The following UGT1A1 variants were observed in gnomAD, a reference collection of about 807,000 sequenced individuals.
The protein encoded by UGT1A1 is UDP-glucuronosyltransferase 1A1.
A neutral mutation model predicts 40.6 loss-of-function variants in UGT1A1; 33 were observed. The observed-to-expected ratio is 0.81, with a 90% CI of 0.62 to 1.09. The LOEUF (loss-of-function observed/expected upper bound fraction) is 1.09, where lower values mean the gene tolerates loss of function less well. Ranked by LOEUF, UGT1A1 falls within the 50% of genes least tolerant of loss-of-function variation. The pLI is 0.00. For missense variants in UGT1A1, 694 were observed against 671.2 expected, an observed-to-expected ratio of 1.03 and a Z score of -0.38; for synonymous variants, 249 against 265.0, an observed-to-expected ratio of 0.94 and a Z score of 0.59.
At position 233,760,805 on chromosome 2, in the gene UGT1A1, A is replaced by C. The variant is rs1464812223; in HGVS notation, c.518A>C (p.His173Pro). 6.2e-7 allele frequency: 1 copy of C among 1,613,342 alleles called. No homozygotes were observed. The highest frequency in any genetic ancestry group is 1.7e-5 in the Admixed American group (1 of 59,986). ...YLSLPTVFFLHALPCSLEFEA... is the reference protein window; with the variant it reads ...YLSLPTVFFLPALPCSLEFEA... ...TCTCTGCCCACTGTATTCTTCTTGC[A>C]TGCACTGCCATGCAGCCTGGAATTT... Residue 173 changes from histidine (H) to proline (P), a missense_variant, in exon 1 of 5, where the codon CAT becomes CCT. His to Pro is a moderately conservative substitution (Grantham distance 77, BLOSUM62 -2). Transcript: ENST00000305208.
rs753056825 is a variant in UGT1A1 at position 233,767,178 on chromosome 2, T to C, written c.996+13T>C. 16 of 1,614,056 alleles carry C rather than the reference T, an allele frequency of 9.9e-6. No homozygotes were observed. Among genetic ancestry groups the C allele is most frequent in the Non-Finnish European group, 1.4e-5 (16 of 1,180,000 alleles). On this transcript the variant is annotated intron_variant, in intron 2 of 4. Coordinates refer to ENST00000305208, the MANE Select transcript of UGT1A1 (RefSeq NM_000463.3). ...AATCCCTCAGACAGTAAGAAGATTCTATACCATGGCCTCATATCTATTTTC... is the reference window on the plus strand; with the variant it reads ...AATCCCTCAGACAGTAAGAAGATTCCATACCATGGCCTCATATCTATTTTC...
chr2:233,770,205 T>G (rs1217853012), intron 4 of UGT1A1: 1 of 152,310 alleles, frequency 6.6e-6, no homozygotes, highest in Non-Finnish European at 1.5e-5. Flanking sequence ...TATTCATTTT[T>G]GAGCCATCCC....
At chr2:233,768,015 A>T in intron 3 of UGT1A1, 79 bp downstream of exon 3, 4 of 1,613,904 alleles carry the variant, frequency 2.5e-6, no homozygotes, top group Non-Finnish European at 3.4e-6. Context: ...ATTCTAAAGG[A>T]TTGTTGAGCT....
At chr2:233,764,507 T>C (rs1318099994) in intron 1 of UGT1A1, among the ~76,000 whole-genome samples, 1 of 152,320 alleles carries the variant, frequency 6.6e-6, no homozygotes, top group Non-Finnish European at 1.5e-5. Flanking sequence ...GGGTTCAATT[T>C]TGTGTGAATC....
intron 1 of UGT1A1, 84 bp from the exon 2 acceptor site, chr2:233,766,950 A>G: frequency 6.2e-7 from 1 of 1,601,228 alleles, no homozygotes. Context: ...TCTTAAGAGG[A>G]AGATATCTAA....
chr2:233,769,533 A>G lies in UGT1A1; in HGVS notation c.1304+1094A>G. The G allele has an allele frequency of 6.2e-7, 1 of 1,612,916 alleles. No homozygotes were observed. The highest frequency in any genetic ancestry group is 8.5e-7 in the Non-Finnish European group (1 of 1,179,872). On this transcript the variant is annotated intron_variant, in intron 4 of 4. Transcript: ENST00000305208. The surrounding 1 kb of genome is among the most constrained non-coding windows in gnomAD (Gnocchi z 4.4). Reference sequence around the variant, plus strand: ...TCTCCCATGGTTACCTCCTTTAGAAAGAAGCAGCAGTCAGGAAGACAGATG... The same window carrying G: ...TCTCCCATGGTTACCTCCTTTAGAAGGAAGCAGCAGTCAGGAAGACAGATG...
chr2:233,762,963 G>A (rs1465614269), intron 1 of UGT1A1, among the ~76,000 whole-genome samples: 1 of 152,144 alleles, frequency 6.6e-6, no homozygotes, highest in East Asian at 1.9e-4. Flanking sequence ...TAGGAAAGAT[G>A]CCCGTCTTGC....
In UGT1A1 at chr2:233,761,055, T is replaced by G. The variant is rs1559407933; in HGVS notation, c.768T>G (p.Phe256Leu). The G allele has an allele frequency of 6.2e-7, 1 of 1,614,230 alleles. No homozygotes were observed. Among genetic ancestry groups the G allele is most frequent in the East Asian group, 2.2e-5 (1 of 44,888 alleles). The change falls in exon 1 of 5, where the codon TTT becomes TTG. Residue 256 changes from phenylalanine (F) to leucine (L), a missense_variant. By Grantham distance (22) the Phe-to-Leu change is conservative. Transcript: ENST00000305208. The part of the protein sequence containing the change: ...DLLSSASVWL[F>L]RSDFVKDYPR... ...TGAGCTCTGCATCTGTCTGGCTGTT[T>G]AGAAGTGACTTTGTGAAGGATTACC...
At chr2:233,764,255 A>G (rs1306141437) in intron 1 of UGT1A1, among the ~76,000 whole-genome samples, 1 of 152,114 alleles carries the variant, frequency 6.6e-6, no homozygotes, top group Non-Finnish European at 1.5e-5. Context: ...TTCAGTTAAT[A>G]TGTTGCTTCA....
chr2:233,768,725 G>T (rs933444797), intron 4 of UGT1A1, among the ~76,000 whole-genome samples: 1 of 151,378 alleles, frequency 6.6e-6, no homozygotes, highest in African/African-American at 2.4e-5. Context: ...TGGGATTACA[G>T]GTGTCCACCA....
At chr2:233,764,036 G>T (rs905956037) in intron 1 of UGT1A1, among the ~76,000 whole-genome samples, 5 of 152,136 alleles carry the variant, frequency 3.3e-5, no homozygotes, top group Non-Finnish European at 7.4e-5. Flanking sequence ...TGCTAAAGAA[G>T]AATTCTGGGA....
intron 1 of UGT1A1, among the ~76,000 whole-genome samples, chr2:233,765,612 G>T (rs1698887269): frequency 2.0e-5 from 3 of 151,940 alleles, no homozygotes; most frequent in Admixed American, 6.6e-5. Flanking sequence ...GTGGCGGGGT[G>T]AGGGGTGAGG....
At chr2:233,763,105 T>C (rs1443643010) in intron 1 of UGT1A1, among the ~76,000 whole-genome samples, 1 of 152,254 alleles carries the variant, frequency 6.6e-6, no homozygotes, top group Non-Finnish European at 1.5e-5. Context: ...GGCACCGAAC[T>C]TTATCAGCTG....
rs34650714 is a variant in UGT1A1 at position 233,767,183 on chromosome 2, C to T, written c.996+18C>T. The T allele has an allele frequency of 6.4e-3, 10,393 of 1,613,868 alleles. 514 individuals carry two copies. The African/African-American group carries it at 0.12, about 18-fold the overall frequency. On this transcript the variant is annotated intron_variant, in intron 2 of 4. Transcript: ENST00000305208. The stretch of plus-strand genomic sequence containing the variant: ...CTCAGACAGTAAGAAGATTCTATAC[C>T]ATGGCCTCATATCTATTTTCACAGG...
At chr2:233,762,330 T>C (rs150255996) in intron 1 of UGT1A1, among the ~76,000 whole-genome samples, 11 of 152,350 alleles carry the variant, frequency 7.2e-5, no homozygotes, top group African/African-American at 1.9e-4. Flanking sequence ...TAATCCACAA[T>C]AGCTCTTTTT....
intron 4 of UGT1A1, chr2:233,770,022 T>G (rs12474441): frequency 0.019 from 3,075 of 161,660 alleles, 63 homozygotes; most frequent in Admixed American, 0.065. Context: ...CTTCTTTCCC[T>G]GCACTGTTGA....
chr2:233,765,917 T>C (rs1002014731), intron 1 of UGT1A1, among the ~76,000 whole-genome samples: 3 of 151,992 alleles, frequency 2.0e-5, no homozygotes, highest in African/African-American at 7.3e-5. Context: ...TAGGGGAGCA[T>C]ACAGACGGGC....
chr2:233,768,495 T>C (rs1699626018), intron 4 of UGT1A1, 56 bp downstream of exon 4: 19 of 1,573,996 alleles, frequency 1.2e-5, no homozygotes, highest in Non-Finnish European at 1.5e-5. Flanking sequence ...ATAAAATTGT[T>C]TCAAATATGA....
rs767667233 is a variant in UGT1A1, at chr2:233,769,803, C to T, written c.1304+1364C>T. ...CCAGAAGTTGGAGGCTGCTATGAGC[C>T]GTGATCATGCCACTGCACTCCAGCA... On this transcript the variant is annotated intron_variant, in intron 4 of 4. Coordinates refer to ENST00000305208, the MANE Select transcript of UGT1A1 (RefSeq NM_000463.3). This position sits in a 1 kb window ranked among gnomAD's most constrained non-coding sequence, Gnocchi z 4.4. 8.1e-6 allele frequency: 9 copies of T among 1,113,138 alleles called. No homozygotes were observed. Among genetic ancestry groups the T allele is most frequent in the Admixed American group, 3.0e-5 (1 of 33,080 alleles). 69.0% of individuals were successfully genotyped at this position (1,113,138 alleles called of 1,614,324 possible).
Sources: allele counts gnomAD v4.1 joint callset (sites outside exome capture counted in the v4.1 genomes callset), GRCh38; gene constraint gnomAD v4.1.1; non-coding constraint Gnocchi (gnomAD v3.1); transcripts MANE v1.5; gene names NCBI Gene and HGNC (gene_info 2026-07-23, HGNC 2026-07-21).